The following MTURN variants were observed in gnomAD, a reference collection of about 807,000 sequenced individuals.
MTURN encodes the protein maturin, neural progenitor differentiation regulator homolog.
Under a neutral mutation model 14.9 loss-of-function variants are expected in MTURN, and 7 were observed. The ratio of observed to expected loss-of-function variants is 0.47; its 90% CI spans 0.27 to 0.88. The LOEUF is 0.88. MTURN is among the 40% of genes least tolerant of loss of function. The probability of loss-of-function intolerance (pLI) is 0.14; values close to 1 mark genes in which losing one functional copy is unlikely to be tolerated. For missense variants in MTURN, 151 were observed against 174.1 expected (o/e 0.87, Z 0.75); for synonymous variants, 69 against 72.5 (o/e 0.95, Z 0.25).
chr7:30,137,535 T>C (rs1214338949), intron 1 of MTURN: 2 of 453,014 alleles, frequency 4.4e-6, no homozygotes, highest in Non-Finnish European at 9.3e-6. Context: ...TCATGTAAAC[T>C]GACAATTTAA....
chr7:30,135,656 G>C (rs1299585221), intron 1 of MTURN, among the ~76,000 whole-genome samples: 1 of 152,154 alleles, frequency 6.6e-6, no homozygotes. Flanking sequence ...CATCCCTGGG[G>C]TGTGGGTGTC....
At chr7:30,145,662 CTTAAG>C (rs1376236311) in intron 1 of MTURN, 20 of 631,998 alleles carry the variant, frequency 3.2e-5, no homozygotes, top group Non-Finnish European at 4.4e-5. Flanking sequence ...GGTGGGTTCT[CTTAAG>C]TTATTTGCAT....
chr7:30,151,918 A>G (rs1273197756), intron 2 of MTURN, among the ~76,000 whole-genome samples: 2 of 152,192 alleles, frequency 1.3e-5, no homozygotes, highest in Non-Finnish European at 2.9e-5. Flanking sequence ...TCAGTTTGCC[A>G]CAAGTGGCTG....
In MTURN at chr7:30,149,533, G is replaced by A. The variant is rs547384050; in HGVS notation, c.285+3234G>A. Among the ~76,000 whole-genome samples, 11 of 152,220 alleles carry A rather than the reference G, an allele frequency of 7.2e-5. No homozygotes were observed. In the South Asian group the frequency reaches 1.2e-3, roughly 17 times the overall value. ...CGCCCCAGACTGAATGAGAGGGAGC[G>A]TCACAAACCCGAATAAAGGACCACA... is the stretch of plus-strand genomic sequence containing the variant. On this transcript the variant is annotated intron_variant, in intron 2 of 2. Transcript: ENST00000324453.
chr7:30,139,626 G>C (rs1051827122), intron 1 of MTURN, among the ~76,000 whole-genome samples: 27 of 152,188 alleles, frequency 1.8e-4, no homozygotes, highest in African/African-American at 6.0e-4. Context: ...AGAAGTGACA[G>C]AGCAAGGACT....
intron 1 of MTURN, among the ~76,000 whole-genome samples, chr7:30,140,232 C>G (rs372885256): frequency 1.8e-4 from 28 of 152,244 alleles, no homozygotes; most frequent in African/African-American, 6.7e-4. Flanking sequence ...TCCCAGATTG[C>G]CCAGCCTTTC....
chr7:30,138,609 G>T (rs904111933), intron 1 of MTURN, among the ~76,000 whole-genome samples: 1 of 151,938 alleles, frequency 6.6e-6, no homozygotes, highest in Non-Finnish European at 1.5e-5. Flanking sequence ...TGAAGTGGAG[G>T]TACTAAATAG....
At chr7:30,147,820 A>G (rs1797150668) in intron 2 of MTURN, among the ~76,000 whole-genome samples, 1 of 152,224 alleles carries the variant, frequency 6.6e-6, no homozygotes, top group African/African-American at 2.4e-5. Context: ...TAGAGTGACA[A>G]AAACCACTGA....
At chr7:30,152,786 A>G (rs1797231812) in intron 2 of MTURN, among the ~76,000 whole-genome samples, 1 of 152,192 alleles carries the variant, frequency 6.6e-6, no homozygotes, top group African/African-American at 2.4e-5. Context: ...TTACACTATT[A>G]TCCAAAAGAC....
chr7:30,160,584 G>A lies in MTURN; in HGVS notation c.*3036G>A, dbSNP rs1173184626. ...AACGTGAGAGAGAAAGAGTGTGTGT[G>A]TATATGTGAGAGAGAGAAAGAAAGA... On this transcript the variant is annotated 3_prime_UTR_variant, in exon 3 of 3. Coordinates refer to ENST00000324453, the MANE Select transcript of MTURN (RefSeq NM_152793.3). The A allele has an allele frequency of 6.6e-6, 1 of 151,942 alleles. No individual in the cohort carries two copies. 9.4% of individuals were successfully genotyped at this position (151,942 alleles called of 1,614,324 possible).
chr7:30,141,456 G>A (rs192952872), intron 1 of MTURN: 2 of 151,924 alleles, frequency 1.3e-5, no homozygotes, highest in East Asian at 3.9e-4. Context: ...AATATGTTGG[G>A]AGGCGTGTGG....
intron 1 of MTURN, among the ~76,000 whole-genome samples, chr7:30,140,623 A>T (rs1397336922): frequency 6.6e-6 from 1 of 152,178 alleles, no homozygotes; most frequent in Non-Finnish European, 1.5e-5. Context: ...TGCCTGTATT[A>T]CATGATTAGT....
In MTURN at chr7:30,160,177, CTT is replaced by C. The variant is rs1443881565; in HGVS notation, c.*2632_*2633del. The C allele has an allele frequency of 1.3e-5, 2 of 152,530 alleles. No individual in the cohort carries two copies. The highest frequency in any genetic ancestry group is 3.9e-4 in the East Asian group (2 of 5,192). 9.4% of individuals were successfully genotyped at this position (152,530 alleles called of 1,614,324 possible). On this transcript the variant is annotated 3_prime_UTR_variant, in exon 3 of 3. Transcript: ENST00000324453. ...GAGTAAGGAGCAACAGTCAAGGAAA[CTT>C]TTAGGGATTCGAGAAGAAAATACAT...
chr7:30,156,100 C>T (rs78254991), intron 2 of MTURN, among the ~76,000 whole-genome samples: 6,388 of 152,186 alleles, frequency 0.042, 432 homozygotes, highest in African/African-American at 0.14. Flanking sequence ...CAGGCAGGTC[C>T]GACAGCTAGG....
chr7:30,154,450 C>G (rs1797255816), intron 2 of MTURN, among the ~76,000 whole-genome samples: 1 of 152,144 alleles, frequency 6.6e-6, no homozygotes, highest in Admixed American at 6.5e-5. Flanking sequence ...TTCCCTAGTT[C>G]CTTAGAGATA....
At chr7:30,136,149 C>T (rs767287532) in intron 1 of MTURN, among the ~76,000 whole-genome samples, 2 of 152,212 alleles carry the variant, frequency 1.3e-5, no homozygotes, top group Non-Finnish European at 2.9e-5. Context: ...TGCTGAAGCC[C>T]GTTGGCTTTT....
At chr7:30,144,909 T>C (rs1383093655) in intron 1 of MTURN, among the ~76,000 whole-genome samples, 1 of 151,754 alleles carries the variant, frequency 6.6e-6, no homozygotes, top group Non-Finnish European at 1.5e-5. Context: ...GATGTCTTTC[T>C]TTCTCCCAGA....
intron 2 of MTURN, among the ~76,000 whole-genome samples, chr7:30,151,804 TG>T (rs1797217269): frequency 1.3e-5 from 2 of 152,196 alleles, no homozygotes; most frequent in Non-Finnish European, 2.9e-5. Context: ...AGTCCTCTCC[TG>T]GGCTTGCTGT....
intron 2 of MTURN, among the ~76,000 whole-genome samples, chr7:30,153,960 C>T (rs1017788078): frequency 1.1e-4 from 17 of 152,108 alleles, no homozygotes; most frequent in African/African-American, 2.4e-4. Flanking sequence ...TCAAGTGATC[C>T]GCCTGCCTCG....
Sources: allele counts gnomAD v4.1 joint callset (sites outside exome capture counted in the v4.1 genomes callset), GRCh38; gene constraint gnomAD v4.1.1; transcripts MANE v1.5; gene names NCBI Gene and HGNC (gene_info 2026-07-23, HGNC 2026-07-21).